ADGRL3: variants seen among roughly 807,000 people sequenced by gnomAD.
ADGRL3 encodes adhesion G protein-coupled receptor L3, also known as calcium-independent alpha-latrotoxin receptor 3.
ADGRL3 carries 62 observed loss-of-function variants against 153.5 expected under a neutral mutation model. The ratio of observed to expected loss-of-function variants is 0.40; its 90% CI spans 0.33 to 0.50. The LOEUF is 0.50. Among genes scored for constraint, ADGRL3 ranks in the 20% least tolerant of loss-of-function variants. The probability of loss-of-function intolerance (pLI) is 0.47; values close to 1 mark genes in which losing one functional copy is unlikely to be tolerated. For synonymous variants in ADGRL3, 710 were observed against 672.5 expected, an observed-to-expected ratio of 1.06 and a Z score of -0.86; for missense variants, 1,641 against 1,859.4, an observed-to-expected ratio of 0.88 and a Z score of 2.16.
chr4:61,849,469 G>C (rs1018253104), intron 9 of ADGRL3, among the ~76,000 whole-genome samples: 1 of 149,626 alleles, frequency 6.7e-6, no homozygotes, highest in African/African-American at 2.5e-5. Flanking sequence ...GTTTTGAAGA[G>C]AGGAATATTT....
chr4:61,881,697 T>A (rs2098509914), intron 9 of ADGRL3, among the ~76,000 whole-genome samples: 1 of 152,212 alleles, frequency 6.6e-6, no homozygotes, highest in Admixed American at 6.5e-5. Context: ...TTTCTTGAAT[T>A]TGTTTTAACT....
At chr4:61,793,318 G>C (rs1382383792) in intron 8 of ADGRL3, among the ~76,000 whole-genome samples, 1 of 152,142 alleles carries the variant, frequency 6.6e-6, no homozygotes, top group African/African-American at 2.4e-5. Context: ...CAGCTATTCA[G>C]GAGGCTGAGG....
intron 4 of ADGRL3, among the ~76,000 whole-genome samples, chr4:61,527,773 G>A (rs1007395125): frequency 8.5e-5 from 13 of 152,184 alleles, no homozygotes; most frequent in East Asian, 5.8e-4. Context: ...AGATTGTGGC[G>A]TAGACTTTGA....
chr4:61,596,891 A>G (rs2098991237), intron 5 of ADGRL3, among the ~76,000 whole-genome samples: 1 of 152,112 alleles, frequency 6.6e-6, no homozygotes, highest in Non-Finnish European at 1.5e-5. Context: ...TTATCCTAGT[A>G]TTTGTTAATA....
intron 1 of ADGRL3, among the ~76,000 whole-genome samples, chr4:61,282,379 T>G (rs1384937806): frequency 2.0e-5 from 3 of 152,074 alleles, no homozygotes; most frequent in African/African-American, 4.8e-5. Context: ...AGATTTTATA[T>G]CACATTTTAC....
At chr4:61,816,125 G>C (rs1462757561) in intron 9 of ADGRL3, among the ~76,000 whole-genome samples, 1 of 152,098 alleles carries the variant, frequency 6.6e-6, no homozygotes, top group Non-Finnish European at 1.5e-5. Flanking sequence ...AATGTGAGTT[G>C]GTGACTTCGG....
At chr4:62,015,722 C>T (rs1204024758) in intron 21 of ADGRL3, among the ~76,000 whole-genome samples, 3 of 152,094 alleles carry the variant, frequency 2.0e-5, no homozygotes, top group Admixed American at 2.0e-4. Flanking sequence ...TTTGTTTCTA[C>T]TAGATTTTCT....
chr4:61,486,058 C>T (rs1483088664), intron 2 of ADGRL3, among the ~76,000 whole-genome samples: 1 of 152,110 alleles, frequency 6.6e-6, no homozygotes, highest in Admixed American at 6.6e-5. Context: ...ATTCTCCTGC[C>T]TCAGCCTCCC....
intron 8 of ADGRL3, chr4:61,775,724 C>A: frequency 8.8e-7 from 1 of 1,138,584 alleles, no homozygotes. Flanking sequence ...TGGTGCTTGT[C>A]TAAGCCTTTG....
rs2098726898 is a variant in ADGRL3 at position 61,912,611 on chromosome 4, C to CA, written c.2074-104dup. The CA allele has an allele frequency of 2.8e-5, 27 of 953,208 alleles. No individual in the cohort carries two copies. In the South Asian group the frequency reaches 3.6e-4, roughly 13 times the overall value. The allele number at this position is 953,208 out of a possible 1,614,324, so 59.0% of individuals were successfully genotyped here. ...TTTTCTTCTGAAAAGTAGTGAATGA[C>CA]AAAATAAGGTGTTTTGTGTAGATGT... On this transcript the variant is annotated intron_variant, in intron 12 of 26. Coordinates refer to ENST00000683033, the MANE Select transcript of ADGRL3 (RefSeq NM_001387552.1).
intron 21 of ADGRL3, among the ~76,000 whole-genome samples, chr4:62,007,383 T>TATATATATATAC (rs71213024): frequency 6.5e-5 from 2 of 30,766 alleles, no homozygotes; most frequent in African/African-American, 2.5e-4. Context: ...TATATATATA[T>TATATATATATAC]ACACACACAC....
At chr4:61,764,427 G>C (rs1176419778) in intron 8 of ADGRL3, among the ~76,000 whole-genome samples, 1 of 138,614 alleles carries the variant, frequency 7.2e-6, no homozygotes, top group African/African-American at 3.2e-5. Flanking sequence ...GGGTTGCAAG[G>C]TGCTCAGTGG....
chr4:61,700,740 T>C (rs955382683), intron 6 of ADGRL3, among the ~76,000 whole-genome samples: 2 of 152,188 alleles, frequency 1.3e-5, no homozygotes, highest in Non-Finnish European at 2.9e-5. Context: ...GTTTACTTGT[T>C]GGATTTAGTC....
intron 6 of ADGRL3, among the ~76,000 whole-genome samples, chr4:61,707,253 G>A (rs1000870690): frequency 1.3e-5 from 2 of 152,128 alleles, no homozygotes; most frequent in Non-Finnish European, 2.9e-5. Context: ...ATAATGAAAA[G>A]TTGGAATATT....
chr4:61,704,648 G>A (rs915012947), intron 6 of ADGRL3, among the ~76,000 whole-genome samples: 1 of 152,130 alleles, frequency 6.6e-6, no homozygotes, highest in African/African-American at 2.4e-5. Context: ...CTTTCACAAA[G>A]AATTCCTCTG....
chr4:61,993,432 C>T (rs2099110772), intron 19 of ADGRL3, among the ~76,000 whole-genome samples: 1 of 151,124 alleles, frequency 6.6e-6, no homozygotes, highest in Non-Finnish European at 1.5e-5. Flanking sequence ...GCTGGGATTA[C>T]AGGCATGCAT....
chr4:61,829,711 ACTT>A (rs1477685724), intron 9 of ADGRL3, among the ~76,000 whole-genome samples: 3 of 152,196 alleles, frequency 2.0e-5, no homozygotes, highest in African/African-American at 4.8e-5. Context: ...TAAAAAAAGA[ACTT>A]CTCCATTGGA....
intron 4 of ADGRL3, among the ~76,000 whole-genome samples, chr4:61,576,216 G>A (rs182742821): frequency 6.6e-6 from 1 of 152,088 alleles, no homozygotes; most frequent in African/African-American, 2.4e-5. Context: ...CAAAGCTTGG[G>A]AGAGGTGACA....
chr4:61,903,650 CAAAAAAAAAAAAAAAAA>C (rs55879235), intron 11 of ADGRL3, among the ~76,000 whole-genome samples: 18 of 72,354 alleles, frequency 2.5e-4, no homozygotes, highest in East Asian at 5.9e-4. Flanking sequence ...TGGGAAACAG[CAAAAAAAAAAAAAAAAA>C]AAAAAAAAAA....
Sources: allele counts gnomAD v4.1 joint callset (sites outside exome capture counted in the v4.1 genomes callset), GRCh38; gene constraint gnomAD v4.1.1; transcripts MANE v1.5; gene names NCBI Gene and HGNC (gene_info 2026-07-23, HGNC 2026-07-21).